The following MIS18A variants were observed in gnomAD, a reference collection of about 807,000 sequenced individuals.
MIS18A encodes the protein MIS18 kinetochore protein A, also known as protein Mis18-alpha.
In MIS18A, 14 loss-of-function variants were observed where a neutral mutation model predicts 25.0. The ratio of observed to expected loss-of-function variants is 0.56; its 90% CI spans 0.37 to 0.88. The LOEUF is 0.88. MIS18A is among the 40% of genes least tolerant of loss of function. The probability of loss-of-function intolerance (pLI) is 0.00; values close to 1 mark genes in which losing one functional copy is unlikely to be tolerated. For synonymous variants in MIS18A, 134 were observed against 118.6 expected, an observed-to-expected ratio of 1.13 and a Z score of -0.84; for missense variants, 292 against 290.8, an observed-to-expected ratio of 1.00 and a Z score of -0.03.
At chr21:32,174,541 T>C in the MIS18A span, among the ~76,000 whole-genome samples, 1 of 152,126 alleles carries the variant, frequency 6.6e-6, no homozygotes, top group South Asian at 2.1e-4. Context: ...AAGATGAACA[T>C]TTCTCAATGA....
the MIS18A span, among the ~76,000 whole-genome samples, chr21:32,252,840 G>C: frequency 6.6e-6 from 1 of 152,204 alleles, no homozygotes; most frequent in East Asian, 1.9e-4. Context: ...ATTTTGTTTA[G>C]GGATCCCAGA....
chr21:32,186,822 C>T, the MIS18A span, among the ~76,000 whole-genome samples: 4 of 152,064 alleles, frequency 2.6e-5, no homozygotes, highest in Non-Finnish European at 2.9e-5. Context: ...CAATGGTTGG[C>T]GAAGTAAACC....
intron 1 of MIS18A, among the ~76,000 whole-genome samples, chr21:32,276,257 G>T (rs577429438): frequency 6.6e-6 from 1 of 151,646 alleles, no homozygotes; most frequent in African/African-American, 2.4e-5. Flanking sequence ...TCAGGAGATC[G>T]AGACCATCCT....
chr21:32,273,125 T>G (rs1228810742), intron 2 of MIS18A, among the ~76,000 whole-genome samples: 2 of 151,724 alleles, frequency 1.3e-5, no homozygotes, highest in Non-Finnish European at 2.9e-5. Flanking sequence ...CTTTTTTTTT[T>G]TTTTTCACTT....
chr21:32,257,965 A>G, the MIS18A span, among the ~76,000 whole-genome samples: 2 of 152,236 alleles, frequency 1.3e-5, no homozygotes, highest in African/African-American at 4.8e-5. Context: ...CTTGACCCAT[A>G]ACAAGATAGC....
the MIS18A span, among the ~76,000 whole-genome samples, chr21:32,255,383 A>G: frequency 6.6e-6 from 1 of 151,870 alleles, no homozygotes; most frequent in South Asian, 2.1e-4. Context: ...GGTGTGTGCC[A>G]CAATGCCCGG....
the MIS18A span, among the ~76,000 whole-genome samples, chr21:32,167,518 T>C: frequency 5.9e-5 from 9 of 152,158 alleles, no homozygotes; most frequent in African/African-American, 1.9e-4. Flanking sequence ...AGATTAAACA[T>C]AGCAAAAATG....
chr21:32,227,725 T>A, the MIS18A span, among the ~76,000 whole-genome samples: 1 of 152,212 alleles, frequency 6.6e-6, no homozygotes, highest in Non-Finnish European at 1.5e-5. Context: ...ATTACTCTGA[T>A]ACCCAAATCA....
the MIS18A span, among the ~76,000 whole-genome samples, chr21:32,231,371 T>C: frequency 6.6e-6 from 1 of 151,858 alleles, no homozygotes; most frequent in African/African-American, 2.4e-5. Context: ...CTATTACAAA[T>C]TGGCAAAGGA....
At chr21:32,269,181 A>T (rs1338031663) in intron 4 of MIS18A, 64 bp from the exon 5 acceptor site, 8 of 1,180,980 alleles carry the variant, frequency 6.8e-6, no homozygotes, top group Non-Finnish European at 9.6e-6. Flanking sequence ...ATACATGGTT[A>T]AATATAATTA....
downstream of MIS18A, among the ~76,000 whole-genome samples, chr21:32,265,974 T>A (rs2123459299): frequency 6.6e-6 from 1 of 152,216 alleles, no homozygotes; most frequent in South Asian, 2.1e-4. Context: ...AATACACCAA[T>A]CAGCACCCTG....
the MIS18A span, among the ~76,000 whole-genome samples, chr21:32,196,387 C>A: frequency 6.6e-6 from 1 of 152,086 alleles, no homozygotes; most frequent in Non-Finnish European, 1.5e-5. Context: ...TAGGTCTCAG[C>A]TCTCCTGGTT....
chr21:32,190,894 T>C, the MIS18A span, among the ~76,000 whole-genome samples: 1 of 152,246 alleles, frequency 6.6e-6, no homozygotes, highest in African/African-American at 2.4e-5. Context: ...CCACCGCCAG[T>C]TGTATTGAAT....
At chr21:32,186,624 C>T in the MIS18A span, among the ~76,000 whole-genome samples, 1,134 of 152,252 alleles carry the variant, frequency 7.4e-3, 12 homozygotes, top group African/African-American at 0.025. Context: ...CTACAACTAG[C>T]TTGTTGGGGG....
At chr21:32,222,548 C>A in the MIS18A span, among the ~76,000 whole-genome samples, 1 of 152,170 alleles carries the variant, frequency 6.6e-6, no homozygotes, top group African/African-American at 2.4e-5. Flanking sequence ...GGAAGTAAAA[C>A]TCTCCTCAGC....
chr21:32,237,693 A>C, the MIS18A span, among the ~76,000 whole-genome samples: 1 of 152,112 alleles, frequency 6.6e-6, no homozygotes, highest in Admixed American at 6.6e-5. Flanking sequence ...CCCTAAATAT[A>C]TCTTATGAGT....
rs2031783498 is a variant in MIS18A at position 32,274,951 on chromosome 21, T to C, written c.335-55A>G. 4 of 1,400,882 alleles carry C rather than the reference T, an allele frequency of 2.9e-6. No individual in the cohort carries two copies. The East Asian group carries it at 9.2e-5, about 32-fold the overall frequency. 86.8% of individuals were successfully genotyped at this position (1,400,882 alleles called of 1,614,324 possible). A position where few individuals can be genotyped will look rare whatever the true frequency, so the allele number is the denominator to read the frequency against. ...TTAATGTAGTTCGTTATAACATACC[T>C]GCAGACAGAGAGTTTCTAATCCAAC... On this transcript the variant is annotated intron_variant, in intron 1 of 4. Transcript: ENST00000290130.
At chr21:32,228,562 C>T in the MIS18A span, among the ~76,000 whole-genome samples, 450 of 152,264 alleles carry the variant, frequency 3.0e-3, 3 homozygotes, top group African/African-American at 9.8e-3. Context: ...GTAAAACTCT[C>T]TAGTGGCAGA....
At chr21:32,277,044 A>G (rs528810955) in intron 1 of MIS18A, among the ~76,000 whole-genome samples, 6 of 152,370 alleles carry the variant, frequency 3.9e-5, no homozygotes, top group East Asian at 1.9e-4. Flanking sequence ...AAATGTATAA[A>G]CCTTGACAAA....
Sources: allele counts gnomAD v4.1 joint callset (sites outside exome capture counted in the v4.1 genomes callset), GRCh38; gene constraint gnomAD v4.1.1; transcripts MANE v1.5; gene names NCBI Gene and HGNC (gene_info 2026-07-23, HGNC 2026-07-21).